The following MAPK10 variants were observed in gnomAD, a reference collection of about 807,000 sequenced individuals.
The protein encoded by MAPK10 is JNK3 alpha protein kinase.
In MAPK10, 25 loss-of-function variants were observed where a neutral mutation model predicts 59.3. The ratio of observed to expected loss-of-function variants is 0.42; its 90% confidence interval spans 0.31 to 0.59. The LOEUF is 0.59. Among genes scored for constraint, MAPK10 ranks in the 20% least tolerant of loss-of-function variants. The probability of loss-of-function intolerance (pLI) is 0.15; values close to 1 mark genes in which losing one functional copy is unlikely to be tolerated. For synonymous variants in MAPK10, 190 were observed against 200.5 expected, an observed-to-expected ratio of 0.95 and a Z score of 0.44; for missense variants, 351 against 568.9, an observed-to-expected ratio of 0.62 and a Z score of 3.90.
chr4:86,320,355 A>G (rs748625024), intron 2 of MAPK10, among the ~76,000 whole-genome samples: 10 of 152,218 alleles, frequency 6.6e-5, no homozygotes, highest in Non-Finnish European at 1.3e-4. Context: ...CAAAACCTTA[A>G]TGAGAGCCTG....
intron 1 of MAPK10, among the ~76,000 whole-genome samples, chr4:86,535,462 G>C (rs945648952): frequency 1.3e-5 from 2 of 152,134 alleles, no homozygotes; most frequent in African/African-American, 4.8e-5. Context: ...CTGGACTGCG[G>C]TGTCGCTATT....
At chr4:86,328,344 C>T (rs548413387) in intron 2 of MAPK10, among the ~76,000 whole-genome samples, 21 of 152,162 alleles carry the variant, frequency 1.4e-4, no homozygotes, top group East Asian at 7.7e-4. Flanking sequence ...TAAAAAGTCA[C>T]GAAACAATAG....
chr4:86,577,973 CA>C (rs1434151674), intron 1 of MAPK10, among the ~76,000 whole-genome samples: 1 of 151,866 alleles, frequency 6.6e-6, no homozygotes, highest in East Asian at 1.9e-4. Flanking sequence ...AATTCCAAGT[CA>C]ATTGGAATTA....
chr4:86,235,177 C>T lies in MAPK10; in HGVS notation c.-6-40770G>A, dbSNP rs143628878. ...GGTGAACTAAGGAACTGAATATCTCCTCATTTTCCAAATGAAGGAATGGAG... is the reference window on the plus strand; with the variant it reads ...GGTGAACTAAGGAACTGAATATCTCTTCATTTTCCAAATGAAGGAATGGAG... On this transcript the variant is annotated intron_variant, in intron 2 of 13. Transcript: ENST00000641462. Among the ~76,000 whole-genome samples the T allele has an allele frequency of 3.9e-4, 60 of 152,302 alleles. No individual in the cohort carries two copies. In the East Asian group the frequency reaches 7.9e-3, roughly 20 times the overall value.
intron 3 of MAPK10, among the ~76,000 whole-genome samples, chr4:86,179,999 A>G (rs2076541974): frequency 1.3e-5 from 2 of 152,102 alleles, no homozygotes; most frequent in African/African-American, 4.8e-5. Context: ...GTATCAAACT[A>G]AAAAGCTTTT....
At chr4:86,473,078 G>T (rs576292087) in intron 1 of MAPK10, among the ~76,000 whole-genome samples, 2 of 152,160 alleles carry the variant, frequency 1.3e-5, no homozygotes, top group African/African-American at 4.8e-5. Context: ...TTAACAGGGG[G>T]AGAAAATATT....
intron 2 of MAPK10, among the ~76,000 whole-genome samples, chr4:86,325,544 TGA>T (rs1227280065): frequency 1.3e-5 from 2 of 152,230 alleles, no homozygotes; most frequent in African/African-American, 4.8e-5. Context: ...GCCCTATTTA[TGA>T]GTGTTAATTA....
In MAPK10 at chr4:86,288,018, T is replaced by C. The variant is rs552784720; in HGVS notation, c.-7+66512A>G. Among the ~76,000 whole-genome samples, 10 of 152,270 alleles carry C rather than the reference T, an allele frequency of 6.6e-5. No individual in the cohort carries two copies. The East Asian group carries it at 1.5e-3, about 24-fold the overall frequency. ...ATTGAGTAACATATGGAAAATGGTATGGTGGAGAAAGAATCAGACTGCAAT... is the reference window on the plus strand; with the variant it reads ...ATTGAGTAACATATGGAAAATGGTACGGTGGAGAAAGAATCAGACTGCAAT... On this transcript the variant is annotated intron_variant, in intron 2 of 13. Coordinates refer to ENST00000641462, the MANE Select transcript of MAPK10 (RefSeq NM_138982.4).
At chr4:86,252,232 C>A (rs1419906846) in intron 2 of MAPK10, among the ~76,000 whole-genome samples, 1 of 126,740 alleles carries the variant, frequency 7.9e-6, no homozygotes. Flanking sequence ...GTGTTTTGGA[C>A]ATGAAGTCCT....
At chr4:86,085,562 G>A (rs528740294) in intron 9 of MAPK10, among the ~76,000 whole-genome samples, 4 of 152,162 alleles carry the variant, frequency 2.6e-5, no homozygotes, top group South Asian at 4.2e-4. Flanking sequence ...ATCTCACCCC[G>A]GTTAAAAGAG....
chr4:86,255,242 G>A (rs1467004188), intron 2 of MAPK10, among the ~76,000 whole-genome samples: 1 of 152,104 alleles, frequency 6.6e-6, no homozygotes, highest in East Asian at 1.9e-4. Context: ...TTCACGGTGG[G>A]TTCTAAAATA....
chr4:86,364,809 G>A (rs531404721), upstream of MAPK10, among the ~76,000 whole-genome samples: 22 of 152,024 alleles, frequency 1.4e-4, no homozygotes, highest in South Asian at 4.6e-3. Flanking sequence ...GTGAAACCCT[G>A]TCTCTACTAA....
upstream of MAPK10, among the ~76,000 whole-genome samples, chr4:86,361,796 A>G (rs1482320809): frequency 6.6e-6 from 1 of 152,166 alleles, no homozygotes; most frequent in Non-Finnish European, 1.5e-5. Context: ...TGAGACAAAT[A>G]CCATATAATC....
At chr4:86,089,314 CA>C in intron 9 of MAPK10, 1 of 1,382,962 alleles carries the variant, frequency 7.2e-7, no homozygotes, top group Non-Finnish European at 1.0e-6. Context: ...AACAAGAACA[CA>C]GGAATAGAAC....
At chr4:86,283,123 T>C (rs1401336216) in intron 2 of MAPK10, among the ~76,000 whole-genome samples, 1 of 152,204 alleles carries the variant, frequency 6.6e-6, no homozygotes, top group African/African-American at 2.4e-5. Flanking sequence ...GGAGTTTTAT[T>C]TCTAATTATA....
At chr4:86,126,684 T>A (rs1204089954) in intron 4 of MAPK10, among the ~76,000 whole-genome samples, 2 of 152,124 alleles carry the variant, frequency 1.3e-5, no homozygotes, top group Non-Finnish European at 2.9e-5. Context: ...ACTGTATAAG[T>A]ATACATATTT....
Position 86,015,972 on chromosome 4 carries a change from G to A in MAPK10, c.*1256C>T, listed in dbSNP as rs1386217291. ...TTATTATTATTTTATTTCAGAAGAGGAAAGTAATATTATTTCTCAAAATAA... is the reference window on the plus strand; with the variant it reads ...TTATTATTATTTTATTTCAGAAGAGAAAAGTAATATTATTTCTCAAAATAA... On this transcript the variant is annotated 3_prime_UTR_variant, in exon 14 of 14. Transcript: ENST00000641462. The A allele has an allele frequency of 1.3e-5, 2 of 152,132 alleles. No homozygotes were observed. The highest frequency in any genetic ancestry group is 2.9e-5 in the Non-Finnish European group (2 of 68,026). 9.4% of individuals were successfully genotyped at this position (152,132 alleles called of 1,614,324 possible).
At chr4:86,449,848 T>G (rs72868854) in intron 1 of MAPK10, among the ~76,000 whole-genome samples, 6 of 152,224 alleles carry the variant, frequency 3.9e-5, no homozygotes, top group Non-Finnish European at 5.9e-5. Context: ...CCTGCCATGT[T>G]GTAGGCGCAC....
At chr4:86,437,202 A>G (rs1748862790) in intron 1 of MAPK10, among the ~76,000 whole-genome samples, 2 of 142,372 alleles carry the variant, frequency 1.4e-5, no homozygotes, top group Admixed American at 7.2e-5. Flanking sequence ...CGACAGAGTG[A>G]GACTCTGTCT....
Sources: allele counts gnomAD v4.1 joint callset (sites outside exome capture counted in the v4.1 genomes callset), GRCh38; gene constraint gnomAD v4.1.1; transcripts MANE v1.5; gene names NCBI Gene and HGNC (gene_info 2026-07-23, HGNC 2026-07-21).